Variants in C12orf42 observed in about 807,000 individuals in gnomAD.
C12orf42 encodes the protein chromosome 12 open reading frame 42, also known as uncharacterized protein C12orf42.
In C12orf42, 25 loss-of-function variants were observed where a neutral mutation model predicts 21.6. That is an observed-to-expected ratio of 1.16 (90% CI 0.84 to 1.62). The LOEUF (loss-of-function observed/expected upper bound fraction) is 1.62. C12orf42 is among the 40% of genes most tolerant of loss of function. The pLI is 0.00. For synonymous variants in C12orf42, 174 were observed against 175.0 expected (o/e 0.99, Z 0.05); for missense variants, 483 against 459.3 (o/e 1.05, Z -0.47).
intron 4 of C12orf42, among the ~76,000 whole-genome samples, chr12:103,292,763 T>C (rs968635276): frequency 1.3e-5 from 2 of 152,118 alleles, no homozygotes; most frequent in Non-Finnish European, 2.9e-5. Flanking sequence ...TTTAAATATA[T>C]TTTGAAATTC....
At chr12:103,149,149 G>C in the C12orf42 span, among the ~76,000 whole-genome samples, 1 of 151,958 alleles carries the variant, frequency 6.6e-6, no homozygotes, top group Non-Finnish European at 1.5e-5. Flanking sequence ...TCAAAGACTG[G>C]GATTAAATTG....
At chr12:103,397,485 C>T (rs969972731) in intron 3 of C12orf42, among the ~76,000 whole-genome samples, 4 of 152,062 alleles carry the variant, frequency 2.6e-5, no homozygotes, top group African/African-American at 7.2e-5. Context: ...ACTGTGCATG[C>T]GAGGGATCAA....
At chr12:103,481,898 T>C (rs1954499733) in intron 1 of C12orf42, among the ~76,000 whole-genome samples, 1 of 151,942 alleles carries the variant, frequency 6.6e-6, no homozygotes, top group African/African-American at 2.4e-5. Context: ...AAGTTATTCA[T>C]ACAATTTTAC....
chr12:103,535,408 T>C, the C12orf42 span, among the ~76,000 whole-genome samples: 2 of 151,396 alleles, frequency 1.3e-5, no homozygotes, highest in South Asian at 4.2e-4. Flanking sequence ...CATGAACTAC[T>C]GCACCCAGCT....
chr12:103,139,238 C>A, the C12orf42 span, among the ~76,000 whole-genome samples: 1 of 152,108 alleles, frequency 6.6e-6, no homozygotes, highest in African/African-American at 2.4e-5. Context: ...ATTATTAAAC[C>A]AGATTATAAT....
chr12:103,086,244 A>C, the C12orf42 span, among the ~76,000 whole-genome samples: 3 of 152,120 alleles, frequency 2.0e-5, no homozygotes, highest in Non-Finnish European at 2.9e-5. Flanking sequence ...CCAAAGAGTT[A>C]CTTTACTTAA....
intron 4 of C12orf42, among the ~76,000 whole-genome samples, chr12:103,351,072 T>G (rs2043064010): frequency 6.6e-6 from 1 of 152,148 alleles, no homozygotes; most frequent in African/African-American, 2.4e-5. Flanking sequence ...AATGGTTTAT[T>G]TTCTGCTCCT....
chr12:103,393,102 T>A (rs2138493990), intron 3 of C12orf42, among the ~76,000 whole-genome samples: 1 of 145,084 alleles, frequency 6.9e-6, no homozygotes, highest in Non-Finnish European at 1.5e-5. Flanking sequence ...CCAGAATCAG[T>A]TTCTGTGTTA....
At chr12:103,558,755 T>C in the C12orf42 span, 1 of 152,150 alleles carries the variant, frequency 6.6e-6, no homozygotes, top group Non-Finnish European at 1.5e-5. Context: ...TACACAGTGA[T>C]CAAAAACAGA....
the C12orf42 span, among the ~76,000 whole-genome samples, chr12:103,529,627 C>T: frequency 6.6e-6 from 1 of 152,188 alleles, no homozygotes; most frequent in Non-Finnish European, 1.5e-5. Flanking sequence ...TTGAGCTCTA[C>T]AGACTGTTTG....
At chr12:103,326,705 A>G (rs2040749636) in intron 4 of C12orf42, among the ~76,000 whole-genome samples, 1 of 152,162 alleles carries the variant, frequency 6.6e-6, no homozygotes, top group African/African-American at 2.4e-5. Flanking sequence ...TGTCTCCTTC[A>G]AGCTGCACAA....
chr12:103,379,227 A>G (rs1468391659), intron 3 of C12orf42, among the ~76,000 whole-genome samples: 1 of 152,232 alleles, frequency 6.6e-6, no homozygotes, highest in Non-Finnish European at 1.5e-5. Context: ...CAATGGGAAC[A>G]GGCATCCTCA....
chr12:103,556,385 G>A, the C12orf42 span, among the ~76,000 whole-genome samples: 14 of 152,110 alleles, frequency 9.2e-5, no homozygotes, highest in African/African-American at 2.4e-4. Context: ...ACTGAAAATC[G>A]GGGCTTAGTC....
chr12:103,173,923 A>C, the C12orf42 span, among the ~76,000 whole-genome samples: 1 of 152,176 alleles, frequency 6.6e-6, no homozygotes, highest in Non-Finnish European at 1.5e-5. Flanking sequence ...TAAATACAGG[A>C]CATCTTATCT....
intron 4 of C12orf42, among the ~76,000 whole-genome samples, chr12:103,312,657 G>A (rs549568120): frequency 6.6e-6 from 1 of 152,160 alleles, no homozygotes; most frequent in South Asian, 2.1e-4. Flanking sequence ...TGGTGTTTTG[G>A]TTGTTAAAAA....
chr12:103,488,158 T>C (rs981706949), intron 1 of C12orf42, among the ~76,000 whole-genome samples: 2 of 152,214 alleles, frequency 1.3e-5, no homozygotes, highest in African/African-American at 4.8e-5. Flanking sequence ...CTGGTGGTGA[T>C]AAAATCTCTC....
intron 2 of C12orf42, among the ~76,000 whole-genome samples, chr12:103,470,417 G>A (rs546610623): frequency 1.1e-4 from 16 of 152,266 alleles, no homozygotes; most frequent in African/African-American, 3.9e-4. Context: ...ACTCCTCGTG[G>A]TCTCTACCCG....
At chr12:103,286,278 A>C (rs915984910) in intron 4 of C12orf42, among the ~76,000 whole-genome samples, 2 of 150,610 alleles carry the variant, frequency 1.3e-5, no homozygotes, top group African/African-American at 2.4e-5. Context: ...ATAAATAAAT[A>C]AATAAATAAA....
At chr12:103,365,859 C>T (rs1051374984) in intron 4 of C12orf42, among the ~76,000 whole-genome samples, 4 of 152,054 alleles carry the variant, frequency 2.6e-5, no homozygotes, top group African/African-American at 9.7e-5. Flanking sequence ...ATCCCATGTT[C>T]ACAGATGGGC....
Sources: gnomAD v4.1 joint callset for allele counts (sites outside exome capture counted in the v4.1 genomes callset) on GRCh38, gnomAD v4.1.1 for gene constraint, MANE v1.5 for transcripts, NCBI Gene and HGNC (gene_info 2026-07-23, HGNC 2026-07-21) for gene names.